Variants in NUAK1 observed in about 807,000 individuals in gnomAD.
NUAK1 encodes NUAK family SNF1-like kinase 1.
In NUAK1, 26 loss-of-function variants were observed where a neutral mutation model predicts 56.9. The observed-to-expected ratio is 0.46, with a 90% CI of 0.33 to 0.63. NUAK1 has a LOEUF of 0.63. Ranked by LOEUF, NUAK1 falls within the 30% of genes least tolerant of loss-of-function variation. NUAK1 has a pLI of 0.02. For synonymous variants in NUAK1, 337 were observed against 336.0 expected, an observed-to-expected ratio of 1.00 and a Z score of -0.03; for missense variants, 727 against 876.1, an observed-to-expected ratio of 0.83 and a Z score of 2.15.
chr12:106,094,118 A>T (rs1030755928), intron 2 of NUAK1, among the ~76,000 whole-genome samples: 10 of 151,558 alleles, frequency 6.6e-5, no homozygotes, highest in Non-Finnish European at 1.3e-4. Context: ...CCATCTGTTG[A>T]TTTAAAAAAA....
At chr12:106,101,191 A>G (rs2032743632) in intron 2 of NUAK1, among the ~76,000 whole-genome samples, 1 of 152,192 alleles carries the variant, frequency 6.6e-6, no homozygotes, top group Non-Finnish European at 1.5e-5. Flanking sequence ...GGCAGGATGG[A>G]AAAGGCCAGG....
chr12:106,077,236 T>C (rs1467215086), intron 4 of NUAK1, among the ~76,000 whole-genome samples: 1 of 152,142 alleles, frequency 6.6e-6, no homozygotes, highest in African/African-American at 2.4e-5. Flanking sequence ...AATCATGGCT[T>C]TGTCGTTACT....
intron 2 of NUAK1, among the ~76,000 whole-genome samples, chr12:106,097,806 C>T (rs1005706972): frequency 6.6e-6 from 1 of 152,106 alleles, no homozygotes; most frequent in African/African-American, 2.4e-5. Flanking sequence ...GTGCTGTAAC[C>T]CACCCCCAGA....
Position 106,124,662 on chromosome 12 carries a change from G to T in NUAK1, c.240+13752C>A, listed in dbSNP as rs1291321168. 2.0e-5 allele frequency among the ~76,000 whole-genome samples: 3 copies of T among 152,130 alleles called. No homozygotes were observed. The East Asian group carries it at 5.8e-4, about 29-fold the overall frequency. On this transcript the variant is annotated intron_variant, in intron 1 of 6. Transcript: ENST00000261402. ...CAGAAACGTCATCTGTCTCACCATG[G>T]CTGTCTCCCTACCATCCAGAGTGGT... is the stretch of plus-strand genomic sequence containing the variant.
In NUAK1 at chr12:106,066,731, C is replaced by G; in HGVS notation, c.*71G>C. 7.9e-7 allele frequency: 1 copy of G among 1,262,538 alleles called. No individual in the cohort carries two copies. 78.2% of individuals were successfully genotyped at this position (1,262,538 alleles called of 1,614,324 possible). A position where few individuals can be genotyped will look rare whatever the true frequency, so the allele number is the denominator to read the frequency against. ...TTGTCACAGCCAGCAAAGAGGTAAC[C>G]AGCCTGTGAGCCCAAGTCTTGCTCC... On this transcript the variant is annotated 3_prime_UTR_variant, in exon 7 of 7. Coordinates refer to ENST00000261402, the MANE Select transcript of NUAK1 (RefSeq NM_014840.3).
At chr12:106,113,006 T>C (rs2136475157) in intron 1 of NUAK1, among the ~76,000 whole-genome samples, 1 of 152,314 alleles carries the variant, frequency 6.6e-6, no homozygotes, top group Admixed American at 6.5e-5. Context: ...GCATTCTATT[T>C]TCAGAACATA....
intron 2 of NUAK1, among the ~76,000 whole-genome samples, chr12:106,088,459 G>A (rs139959580): frequency 2.6e-5 from 4 of 152,264 alleles, no homozygotes; most frequent in African/African-American, 9.6e-5. Flanking sequence ...CTCATAGCAC[G>A]TGCAAACTGT....
chr12:106,138,584 GGGGAGA>G lies in NUAK1; in HGVS notation c.64_69del (p.Ser22_Pro23del). The G allele has an allele frequency of 6.3e-7, 1 of 1,595,932 alleles. No homozygotes were observed. Among genetic ancestry groups the G allele is most frequent in the Non-Finnish European group, 8.5e-7 (1 of 1,176,784 alleles). ...GCAGTCGCCCCCGCCACCGCCTCTC[GGGGAGA>G]GCCCGGCGCCCCCAGCCCCAAGTCG... On this transcript the variant is annotated inframe_deletion, in exon 1 of 7. Transcript: ENST00000261402. This position sits in a 1 kb window ranked among gnomAD's most constrained non-coding sequence, Gnocchi z 5.0.
intron 1 of NUAK1, among the ~76,000 whole-genome samples, chr12:106,111,338 C>T (rs2032857294): frequency 6.6e-6 from 1 of 152,148 alleles, no homozygotes; most frequent in Non-Finnish European, 1.5e-5. Context: ...GTGGCAAAAG[C>T]AGGTTAAAAT....
Position 106,138,364 on chromosome 12 carries a change from G to A in NUAK1, c.240+50C>T, listed in dbSNP as rs566368930. ...CCCGCCTCGCACGCCCTCAGTCCCC[G>A]GCCGCGTCCACCCAGCGCCCCCCGC... On this transcript the variant is annotated intron_variant, in intron 1 of 6. Coordinates refer to ENST00000261402, the MANE Select transcript of NUAK1 (RefSeq NM_014840.3). This position sits in a 1 kb window ranked among gnomAD's most constrained non-coding sequence, Gnocchi z 5.0. 4 of 1,550,390 alleles carry A rather than the reference G, an allele frequency of 2.6e-6. No individual in the cohort carries two copies. Among genetic ancestry groups the A allele is most frequent in the African/African-American group, 1.4e-5 (1 of 73,174 alleles).
In NUAK1 at chr12:106,067,043, G is replaced by A; in HGVS notation, c.1745C>T (p.Ser582Phe). Residue 582 changes from serine (S) to phenylalanine (F), a missense_variant, in exon 7 of 7, where the codon TCT (serine) becomes TTT (phenylalanine). Ser to Phe is a radical substitution (Grantham distance 155, BLOSUM62 -2). Transcript: ENST00000261402. This position sits in a 1 kb window ranked among gnomAD's most constrained non-coding sequence, Gnocchi z 6.0. ...CTCCTGCAAATCCAGCAAGTCAAAA[G>A]AGTCGCTGGACAGCACGCTGTCATC... ...ISDDSVLSSD[S>F]FDLLDLQENR... The A allele has an allele frequency of 6.2e-7, 1 of 1,614,236 alleles. No individual in the cohort carries two copies. Among genetic ancestry groups the A allele is most frequent in the Non-Finnish European group, 8.5e-7 (1 of 1,180,036 alleles).
chr12:106,069,055 T>C (rs1163279326), intron 6 of NUAK1, among the ~76,000 whole-genome samples: 1 of 152,212 alleles, frequency 6.6e-6, no homozygotes, highest in East Asian at 1.9e-4. Context: ...GGCTGGCTTG[T>C]TGAAAAAATT....
At position 106,067,007 on chromosome 12, in the gene NUAK1, G is replaced by A. The variant is rs1324493779; in HGVS notation, c.1781C>T (p.Ala594Val). The A allele has an allele frequency of 6.2e-7, 1 of 1,614,228 alleles. No homozygotes were observed. Among genetic ancestry groups the A allele is most frequent in the African/African-American group, 1.3e-5 (1 of 75,064 alleles). Residue 594 changes from alanine to valine, a missense_variant, in exon 7 of 7, where the codon GCC becomes GTC. Transcript: ENST00000261402. This position sits in a 1 kb window ranked among gnomAD's most constrained non-coding sequence, Gnocchi z 6.0. ...GACGCAGCTGCGGATGCGCTGGCGG[G>A]CAGGGCGATTCTCCTGCAAATCCAG... Reference protein sequence around the residue: ...DLLDLQENRPARQRIRSCVSA... With the variant: ...DLLDLQENRPVRQRIRSCVSA...
chr12:106,129,645 G>A (rs2033057560), intron 1 of NUAK1, among the ~76,000 whole-genome samples: 2 of 152,162 alleles, frequency 1.3e-5, no homozygotes, highest in African/African-American at 4.8e-5. Context: ...TTTAAGCATG[G>A]AGAGCCATGA....
chr12:106,106,789 T>C (rs908594688), intron 1 of NUAK1, among the ~76,000 whole-genome samples: 3 of 152,190 alleles, frequency 2.0e-5, no homozygotes, highest in Non-Finnish European at 4.4e-5. Context: ...TTTTTGTTTT[T>C]TCATAAAGCA....
At chr12:106,105,656 G>C (rs2032792974) in intron 2 of NUAK1, 1 of 152,210 alleles carries the variant, frequency 6.6e-6, no homozygotes, top group Non-Finnish European at 1.5e-5. Context: ...GATATGGATA[G>C]AGAGCTATTT....
At chr12:106,131,123 G>A (rs1457274803) in intron 1 of NUAK1, among the ~76,000 whole-genome samples, 1 of 152,166 alleles carries the variant, frequency 6.6e-6, no homozygotes, top group Non-Finnish European at 1.5e-5. Context: ...AGGCCTGAGA[G>A]ATAGAGGCTT....
intron 1 of NUAK1, among the ~76,000 whole-genome samples, chr12:106,114,645 A>C (rs957908017): frequency 6.6e-6 from 1 of 152,194 alleles, no homozygotes; most frequent in Non-Finnish European, 1.5e-5. Flanking sequence ...CAAGTTCACG[A>C]AGTTATCAGC....
At chr12:106,103,850 C>T (rs2032772750) in intron 2 of NUAK1, among the ~76,000 whole-genome samples, 2 of 152,158 alleles carry the variant, frequency 1.3e-5, no homozygotes, top group Non-Finnish European at 2.9e-5. Flanking sequence ...CCCTTTTACT[C>T]GGCACTTATC....
Sources: gnomAD v4.1 joint callset for allele counts (sites outside exome capture counted in the v4.1 genomes callset) on GRCh38, gnomAD v4.1.1 for gene constraint, Gnocchi (gnomAD v3.1) non-coding constraint, MANE v1.5 for transcripts, NCBI Gene and HGNC (gene_info 2026-07-23, HGNC 2026-07-21) for gene names.